The following HSPBP1 variants were observed in gnomAD, a reference collection of about 807,000 sequenced individuals.
HSPBP1 encodes hsp70-binding protein 1.
A neutral mutation model predicts 41.7 loss-of-function variants in HSPBP1; 31 were observed. That is an observed-to-expected ratio of 0.74 (90% CI 0.56 to 1.00). The LOEUF is 1.00. Among genes scored for constraint, HSPBP1 ranks in the 50% least tolerant of loss-of-function variants. The probability of loss-of-function intolerance (pLI) is 0.00; values close to 1 mark genes in which losing one functional copy is unlikely to be tolerated. For missense variants in HSPBP1, 439 were observed against 487.9 expected (o/e 0.90, Z 0.94); for synonymous variants, 199 against 214.4 (o/e 0.93, Z 0.63).
intron 4 of HSPBP1, among the ~76,000 whole-genome samples, chr19:55,267,350 C>A (rs999613260): frequency 6.6e-6 from 1 of 152,090 alleles, no homozygotes; most frequent in Non-Finnish European, 1.5e-5. Context: ...AGGGTTTCAC[C>A]ATGTTGGCCA....
At chr19:55,275,475 A>G (rs1032617060) in intron 3 of HSPBP1, among the ~76,000 whole-genome samples, 2 of 152,234 alleles carry the variant, frequency 1.3e-5, no homozygotes, top group Non-Finnish European at 2.9e-5. Flanking sequence ...CTCTAGCCAT[A>G]CAACGGAGTA....
chr19:55,271,291 G>A (rs1282724967), intron 4 of HSPBP1, among the ~76,000 whole-genome samples: 1 of 151,710 alleles, frequency 6.6e-6, no homozygotes, highest in East Asian at 1.9e-4. Flanking sequence ...GCTGACTGCA[G>A]CCTCTGCCTC....
chr19:55,278,923 C>CA (rs34254075), intron 2 of HSPBP1, among the ~76,000 whole-genome samples: 16,269 of 90,652 alleles, frequency 0.18, 1,831 homozygotes, highest in Non-Finnish European at 0.24. Flanking sequence ...CTGCCCCCAC[C>CA]AAAAAAAAAA....
At chr19:55,262,753 C>T (rs1285544974) in intron 7 of HSPBP1, 71 bp from the exon 8 acceptor site, 1 of 1,448,072 alleles carries the variant, frequency 6.9e-7, no homozygotes, top group Non-Finnish European at 9.5e-7. Context: ...GCATTCTTGG[C>T]ACCCAGAGGT....
At position 55,268,697 on chromosome 19, in the gene HSPBP1, G is replaced by C. The variant is rs1435397694; in HGVS notation, c.641-2411C>G. Among the ~76,000 whole-genome samples, 1 of 151,374 alleles carries C rather than the reference G, an allele frequency of 6.6e-6. No individual in the cohort carries two copies. Among genetic ancestry groups the C allele is most frequent in the Non-Finnish European group, 1.5e-5 (1 of 67,486 alleles). On this transcript the variant is annotated intron_variant, in intron 4 of 7. Transcript: ENST00000433386. This position sits in a 1 kb window ranked among gnomAD's most constrained non-coding sequence, Gnocchi z 4.5. Reference sequence around the variant, plus strand: ...TTTATTTTATTTCATTTTTGAGACAGAGTCTCGCTCTGTCGCCCAGGCTGG... The same window carrying C: ...TTTATTTTATTTCATTTTTGAGACACAGTCTCGCTCTGTCGCCCAGGCTGG...
chr19:55,275,021 T>A (rs2088034170), intron 3 of HSPBP1, among the ~76,000 whole-genome samples: 1 of 152,190 alleles, frequency 6.6e-6, no homozygotes, highest in Non-Finnish European at 1.5e-5. Context: ...TTGGCTAAGG[T>A]GGCCCTAAGC....
chr19:55,262,659 C>T lies in HSPBP1; in HGVS notation c.1029G>A (p.Lys343=). The change falls in exon 8 of 8, where the codon AAG becomes AAA. Residue 343 remains lysine, a synonymous_variant. Transcript: ENST00000433386. Reference sequence around the variant, plus strand: ...GGCTGGAGAAACAGGTCTGTAGCAGCTTTTCACAGAACTCCAGCTCCTCCT... The same window carrying T: ...GGCTGGAGAAACAGGTCTGTAGCAGTTTTTCACAGAACTCCAGCTCCTCCT... The part of the protein sequence containing the change: ...EYQEELEFCE[K]LLQTCFSSPA... The T allele has an allele frequency of 3.1e-6, 5 of 1,613,708 alleles. No homozygotes were observed. The highest frequency in any genetic ancestry group is 4.2e-6 in the Non-Finnish European group (5 of 1,179,794).
intron 3 of HSPBP1, among the ~76,000 whole-genome samples, chr19:55,275,752 A>G (rs1253467582): frequency 6.6e-6 from 1 of 152,036 alleles, no homozygotes; most frequent in Non-Finnish European, 1.5e-5. Context: ...ATTCAAGACC[A>G]GCCTGGCCAA....
rs2087751176 is a variant in HSPBP1, at chr19:55,265,471, G to A, written c.894-82C>T. 37 of 1,068,858 alleles carry A rather than the reference G, an allele frequency of 3.5e-5. No homozygotes were observed. In the South Asian group the frequency reaches 4.3e-4, roughly 12 times the overall value. The allele number at this position is 1,068,858 out of a possible 1,614,324, so 66.2% of individuals were successfully genotyped here. A position where few individuals can be genotyped will look rare whatever the true frequency, so the allele number is the denominator to read the frequency against. On this transcript the variant is annotated intron_variant, in intron 6 of 7. Coordinates refer to ENST00000433386, the MANE Select transcript of HSPBP1 (RefSeq NM_012267.5). Reference sequence around the variant, plus strand: ...AACCCTATCGCCCGCCCCGTCCCCTGGCTCACTCAGGAGCCTGGCAAGTCG... The same window carrying A: ...AACCCTATCGCCCGCCCCGTCCCCTAGCTCACTCAGGAGCCTGGCAAGTCG...
At chr19:55,264,367 C>T (rs1203597496) in intron 7 of HSPBP1, among the ~76,000 whole-genome samples, 2 of 152,314 alleles carry the variant, frequency 1.3e-5, no homozygotes, top group South Asian at 4.1e-4. Context: ...GTTTGCTAAG[C>T]TCGGCTTTGC....
At chr19:55,277,240 G>A (rs1016023450) in intron 3 of HSPBP1, among the ~76,000 whole-genome samples, 1 of 152,192 alleles carries the variant, frequency 6.6e-6, no homozygotes, top group African/African-American at 2.4e-5. Context: ...CTGGCCTCAG[G>A]GCCTTTGCAC....
chr19:55,279,247 A>G lies in HSPBP1; in HGVS notation c.210+152T>C. The G allele has an allele frequency of 4.6e-6, 3 of 650,164 alleles. No homozygotes were observed. In the East Asian group the frequency reaches 8.6e-5, roughly 19 times the overall value. 40.3% of individuals were successfully genotyped at this position (650,164 alleles called of 1,614,324 possible). On this transcript the variant is annotated intron_variant, in intron 2 of 7. Transcript: ENST00000433386. ...AGTCAACGATAACCCCATCTAGCAC[A>G]ATTTATAGCCCACAATGCCTCCACA...
At chr19:55,267,316 A>G (rs1432125133) in intron 4 of HSPBP1, among the ~76,000 whole-genome samples, 1 of 152,016 alleles carries the variant, frequency 6.6e-6, no homozygotes, top group African/African-American at 2.4e-5. Flanking sequence ...ACACCCGGCT[A>G]ATTTTTGTAT....
chr19:55,267,739 G>A (rs377543154), intron 4 of HSPBP1, among the ~76,000 whole-genome samples: 14 of 152,332 alleles, frequency 9.2e-5, no homozygotes, highest in African/African-American at 2.9e-4. Flanking sequence ...GATTACAGGC[G>A]TGAGCCACCG....
rs1000819574 is a variant in HSPBP1, at chr19:55,270,741, TCCACACATC to T, written c.640+3648_640+3656del. Among the ~76,000 whole-genome samples the T allele has an allele frequency of 1.4e-5, 2 of 146,252 alleles. No homozygotes were observed. The highest frequency in any genetic ancestry group is 5.1e-5 in the African/African-American group (2 of 39,056). ...ACACACCCCGTATACACACACCACATCCACACATCCCACACACGCCATGCACATCCACAC... is the reference window on the plus strand; with the variant it reads ...ACACACCCCGTATACACACACCACATCCACACACGCCATGCACATCCACAC... On this transcript the variant is annotated intron_variant, in intron 4 of 7. Coordinates refer to ENST00000433386, the MANE Select transcript of HSPBP1 (RefSeq NM_012267.5). The surrounding 1 kb of genome is among the most constrained non-coding windows in gnomAD (Gnocchi z 5.4).
chr19:55,273,156 A>C (rs1297970281), intron 4 of HSPBP1, among the ~76,000 whole-genome samples: 1 of 151,990 alleles, frequency 6.6e-6, no homozygotes, highest in African/African-American at 2.4e-5. Flanking sequence ...CGTCCAGCTA[A>C]TTTTTTAATT....
rs969914844 is a variant in HSPBP1, at chr19:55,272,660, G to A, written c.640+1738C>T. Among the ~76,000 whole-genome samples the A allele has an allele frequency of 1.3e-5, 2 of 152,022 alleles. No homozygotes were observed. The highest frequency in any genetic ancestry group is 2.9e-5 in the Non-Finnish European group (2 of 67,984). On this transcript the variant is annotated intron_variant, in intron 4 of 7. Transcript: ENST00000433386. This position sits in a 1 kb window ranked among gnomAD's most constrained non-coding sequence, Gnocchi z 4.2. The stretch of plus-strand genomic sequence containing the variant: ...GGTTGAGACCAGCCTGGCCAACAGG[G>A]TGAAACCCCGTCTCTACTAAAAATA...
At chr19:55,262,709 G>A (rs2087677498) in intron 7 of HSPBP1, 27 bp from the exon 8 acceptor site, 2 of 1,605,426 alleles carry the variant, frequency 1.2e-6, no homozygotes, top group Admixed American at 1.7e-5. Context: ...CAGGGAGCAA[G>A]GGGCCTGAGT....
At position 55,265,360 on chromosome 19, in the gene HSPBP1, C is replaced by G. The variant is rs764960411; in HGVS notation, c.923G>C (p.Arg308Pro). The change falls in exon 7 of 8, where the codon CGC (arginine) becomes CCC (proline). Residue 308 changes from arginine (R) to proline (P), a missense_variant. Coordinates refer to ENST00000433386, the MANE Select transcript of HSPBP1 (RefSeq NM_012267.5). ...SLVTDFPQGV[R>P]ECREPELGLE... ...GCCCAGTTCCGGCTCCCGACACTCG[C>G]GCACACCCTGCGGAAAGTCTGTCAC... 1 of 1,613,476 alleles carries G rather than the reference C, an allele frequency of 6.2e-7. No homozygotes were observed. The highest frequency in any genetic ancestry group is 1.1e-5 in the South Asian group (1 of 91,068).
Sources: gnomAD v4.1 joint callset for allele counts (sites outside exome capture counted in the v4.1 genomes callset) on GRCh38, gnomAD v4.1.1 for gene constraint, Gnocchi (gnomAD v3.1) non-coding constraint, MANE v1.5 for transcripts, NCBI Gene and HGNC (gene_info 2026-07-23, HGNC 2026-07-21) for gene names.